The following GRIN2A variants were observed in gnomAD, a reference collection of about 807,000 sequenced individuals.
GRIN2A encodes glutamate ionotropic receptor NMDA type subunit 2A, also known as glutamate receptor ionotropic, NMDA 2A.
In GRIN2A, 22 loss-of-function variants were observed where a neutral mutation model predicts 113.4. That is an observed-to-expected ratio of 0.19 (90% CI 0.14 to 0.28). The LOEUF (loss-of-function observed/expected upper bound fraction) is 0.28, where lower values mean the gene tolerates loss of function less well. GRIN2A is among the 10% of genes least tolerant of loss of function. The pLI, the probability that GRIN2A is intolerant of heterozygous loss-of-function variation, is 1.00. For missense variants in GRIN2A, 1,502 were observed against 1,887.0 expected, an observed-to-expected ratio of 0.80 and a Z score of 3.78; for synonymous variants, 827 against 738.4, an observed-to-expected ratio of 1.12 and a Z score of -1.94.
chr16:9,806,349 G>GTCA (rs2041966367), intron 10 of GRIN2A, among the ~76,000 whole-genome samples: 1 of 152,186 alleles, frequency 6.6e-6, no homozygotes. Context: ...GAAGATTTGA[G>GTCA]TCATCTATGG....
intron 2 of GRIN2A, among the ~76,000 whole-genome samples, chr16:10,068,778 C>T (rs2047696072): frequency 6.6e-6 from 1 of 152,310 alleles, no homozygotes; most frequent in African/African-American, 2.4e-5. Flanking sequence ...CAGAGACTAA[C>T]ACCCAATCTA....
chr16:10,132,398 T>C (rs1230010105), intron 2 of GRIN2A, among the ~76,000 whole-genome samples: 4 of 140,774 alleles, frequency 2.8e-5, no homozygotes, highest in Admixed American at 1.5e-4. Flanking sequence ...CAGCCAGTAA[T>C]GGGTGGCAAA....
rs900573266 is a variant in GRIN2A at position 9,829,288 on chromosome 16, T to A, written c.2007+135A>T. On this transcript the variant is annotated intron_variant, in intron 9 of 12. Coordinates refer to ENST00000330684, the MANE Select transcript of GRIN2A (RefSeq NM_001134407.3). ...CTTTGAGAAAGAGGACAATTTGAGT[T>A]AAAGAGAAAAAACCTTCTGGCTTTT... 7.7e-6 allele frequency: 5 copies of A among 652,962 alleles called. No homozygotes were observed. In the African/African-American group the frequency reaches 9.1e-5, roughly 12 times the overall value. The allele number at this position is 652,962 out of a possible 1,614,324, so 40.4% of individuals were successfully genotyped here.
intron 11 of GRIN2A, among the ~76,000 whole-genome samples, chr16:9,775,921 G>A (rs1901572318): frequency 6.6e-6 from 1 of 152,228 alleles, no homozygotes. Context: ...GTGCTACCAT[G>A]TGGAGGAAGG....
At chr16:10,111,515 T>C in intron 2 of GRIN2A, 2 of 725,118 alleles carry the variant, frequency 2.8e-6, no homozygotes, top group East Asian at 2.5e-5. Context: ...ATAGATTTCA[T>C]AGCTGATGAG....
At chr16:9,892,279 G>A (rs1275458638) in intron 3 of GRIN2A, among the ~76,000 whole-genome samples, 2 of 152,016 alleles carry the variant, frequency 1.3e-5, no homozygotes, top group African/African-American at 4.8e-5. Flanking sequence ...TAGAAGCGAG[G>A]GTGACATCAA....
intron 10 of GRIN2A, among the ~76,000 whole-genome samples, chr16:9,820,826 T>C (rs2141291332): frequency 6.6e-6 from 1 of 152,296 alleles, no homozygotes; most frequent in African/African-American, 2.4e-5. Flanking sequence ...TTAATATTTG[T>C]GAATTTTCTG....
intron 2 of GRIN2A, among the ~76,000 whole-genome samples, chr16:10,170,958 T>C (rs2050029655): frequency 6.6e-6 from 1 of 152,162 alleles, no homozygotes; most frequent in African/African-American, 2.4e-5. Context: ...TCATTAAAGC[T>C]GAGTGCGGTA....
chr16:9,944,461 A>T (rs2141654064), intron 2 of GRIN2A, among the ~76,000 whole-genome samples: 1 of 151,958 alleles, frequency 6.6e-6, no homozygotes, highest in East Asian at 1.9e-4. Context: ...CATCATCATC[A>T]CATCCATCCT....
At chr16:10,070,733 A>G (rs1162853932) in intron 2 of GRIN2A, among the ~76,000 whole-genome samples, 1 of 152,072 alleles carries the variant, frequency 6.6e-6, no homozygotes, top group African/African-American at 2.4e-5. Flanking sequence ...TGCCTTTTTC[A>G]GGTTTTGCAA....
Position 9,993,120 on chromosome 16 carries a change from C to T in GRIN2A, c.415-54569G>A, listed in dbSNP as rs1186619804. ...TGGTGCACGTCTGTAGTCCCAGCTA[C>T]TCCTCGGGAGGCTGAGGCCCAAGAA... is the stretch of plus-strand genomic sequence containing the variant. On this transcript the variant is annotated intron_variant, in intron 2 of 12. Transcript: ENST00000330684. 2.0e-5 allele frequency among the ~76,000 whole-genome samples: 3 copies of T among 151,998 alleles called. No homozygotes were observed. In the East Asian group the frequency reaches 5.8e-4, roughly 29 times the overall value.
intron 11 of GRIN2A, among the ~76,000 whole-genome samples, chr16:9,793,691 C>T (rs1902766904): frequency 1.3e-5 from 2 of 152,136 alleles, no homozygotes; most frequent in African/African-American, 4.8e-5. Flanking sequence ...CTTAAAGATA[C>T]TAGTTATGTC....
intron 2 of GRIN2A, among the ~76,000 whole-genome samples, chr16:10,154,546 T>G (rs1181292174): frequency 6.6e-6 from 1 of 152,222 alleles, no homozygotes; most frequent in South Asian, 2.1e-4. Context: ...CCCTGAACTG[T>G]GTGCCTGGGT....
chr16:9,774,046 T>TTG (rs1264288050), intron 11 of GRIN2A, among the ~76,000 whole-genome samples: 2 of 145,712 alleles, frequency 1.4e-5, no homozygotes, highest in East Asian at 2.0e-4. Context: ...TGAGGCAGTG[T>TTG]TGTGTGTGTG....
intron 3 of GRIN2A, among the ~76,000 whole-genome samples, chr16:9,935,469 T>G (rs1045325002): frequency 2.0e-5 from 3 of 151,372 alleles, no homozygotes; most frequent in Non-Finnish European, 2.9e-5. Context: ...GGTTCATTTT[T>G]CAGATTTATG....
intron 2 of GRIN2A, among the ~76,000 whole-genome samples, chr16:10,142,484 C>T (rs1177488407): frequency 1.3e-5 from 2 of 152,110 alleles, no homozygotes; most frequent in African/African-American, 4.8e-5. Context: ...ATCAAGGCCA[C>T]AAGTTCAAGA....
intron 2 of GRIN2A, among the ~76,000 whole-genome samples, chr16:10,103,357 C>A (rs1198589557): frequency 6.6e-6 from 1 of 152,122 alleles, no homozygotes; most frequent in Non-Finnish European, 1.5e-5. Context: ...AATTTGCAGA[C>A]ATTTTGCAGA....
chr16:9,975,072 T>C (rs1243514918), intron 2 of GRIN2A, among the ~76,000 whole-genome samples: 1 of 152,192 alleles, frequency 6.6e-6, no homozygotes, highest in African/African-American at 2.4e-5. Flanking sequence ...GGAATTAAAG[T>C]ATTAAAATTT....
Position 10,180,280 on chromosome 16 carries a change from G to A in GRIN2A, c.132C>T (p.His44=). The change falls in exon 2 of 13, where the codon CAC becomes CAT. Residue 44 remains histidine, a synonymous_variant. Transcript: ENST00000330684. The surrounding 1 kb of genome is among the most constrained non-coding windows in gnomAD (Gnocchi z 7.0). The part of the protein sequence containing the change: ...LNIAVMLGHS[H]DVTERELRTL... ...TTCGAAGTTCGCGCTCTGTCACGTC[G>A]TGGCTGTGACCCAGCATCACCGCAA... The A allele has an allele frequency of 3.7e-6, 6 of 1,613,278 alleles. No individual in the cohort carries two copies. The South Asian group carries it at 5.5e-5, about 15-fold the overall frequency.
Sources: allele counts gnomAD v4.1 joint callset (sites outside exome capture counted in the v4.1 genomes callset), GRCh38; gene constraint gnomAD v4.1.1; non-coding constraint Gnocchi (gnomAD v3.1); transcripts MANE v1.5; gene names NCBI Gene and HGNC (gene_info 2026-07-23, HGNC 2026-07-21).